Variants in PARD6G observed in about 807,000 individuals in gnomAD.
PARD6G encodes the protein par-6 family cell polarity regulator gamma.
Under a neutral mutation model 10.7 loss-of-function variants are expected in PARD6G, and 7 were observed. The observed-to-expected ratio is 0.66, with a 90% CI of 0.37 to 1.23. The LOEUF is 1.23. Ranked by LOEUF, PARD6G falls within the 50% of genes most tolerant of loss-of-function variation. The probability of loss-of-function intolerance (pLI) is 0.02; values close to 1 mark genes in which losing one functional copy is unlikely to be tolerated. For missense variants in PARD6G, 548 were observed against 571.8 expected (o/e 0.96, Z 0.42); for synonymous variants, 287 against 269.4 (o/e 1.07, Z -0.64).
chr18:80,176,649 G>C (rs953852296), intron 2 of PARD6G, among the ~76,000 whole-genome samples: 2 of 152,272 alleles, frequency 1.3e-5, no homozygotes, highest in African/African-American at 4.8e-5. Context: ...GACTGGAAGG[G>C]AAATATGGGA....
In PARD6G at chr18:80,182,062, C is replaced by T. The variant is rs181419005; in HGVS notation, c.295+20648G>A. ...GAAACTGAGGCAGAAAGCAGGGAAGCAACACAGCTGGGTAGGGCCCAGCAG... is the reference window on the plus strand; with the variant it reads ...GAAACTGAGGCAGAAAGCAGGGAAGTAACACAGCTGGGTAGGGCCCAGCAG... On this transcript the variant is annotated intron_variant, in intron 2 of 2. Coordinates refer to ENST00000353265, the MANE Select transcript of PARD6G (RefSeq NM_032510.4). This position sits in a 1 kb window ranked among gnomAD's most constrained non-coding sequence, Gnocchi z 4.5. 6.6e-6 allele frequency among the ~76,000 whole-genome samples: 1 copy of T among 152,210 alleles called. No individual in the cohort carries two copies. Among genetic ancestry groups the T allele is most frequent in the South Asian group, 2.1e-4 (1 of 4,834 alleles).
At chr18:80,225,067 A>C (rs1239633133) in intron 1 of PARD6G, among the ~76,000 whole-genome samples, 1 of 152,152 alleles carries the variant, frequency 6.6e-6, no homozygotes, top group Non-Finnish European at 1.5e-5. Context: ...CTAGTGACTA[A>C]AAAACTTTAG....
At chr18:80,222,185 A>G (rs995915409) in intron 1 of PARD6G, among the ~76,000 whole-genome samples, 1 of 151,716 alleles carries the variant, frequency 6.6e-6, no homozygotes, top group African/African-American at 2.4e-5. Flanking sequence ...CCTGGGCTCA[A>G]GTGATCTTCC....
chr18:80,238,684 G>T (rs1229868511), intron 1 of PARD6G, among the ~76,000 whole-genome samples: 2 of 152,076 alleles, frequency 1.3e-5, no homozygotes, highest in Non-Finnish European at 2.9e-5. Flanking sequence ...CTTAAGATGA[G>T]TGTATTTCAC....
At chr18:80,222,749 C>A (rs1324803997) in intron 1 of PARD6G, among the ~76,000 whole-genome samples, 1 of 152,200 alleles carries the variant, frequency 6.6e-6, no homozygotes, top group African/African-American at 2.4e-5. Context: ...TCTTGGCTCA[C>A]TAAAACGTCC....
Position 80,201,743 on chromosome 18 carries a change from TG to T in PARD6G, c.295+966del, listed in dbSNP as rs936237608. Among the ~76,000 whole-genome samples the T allele has an allele frequency of 3.3e-5, 5 of 152,218 alleles. No individual in the cohort carries two copies. The highest frequency in any genetic ancestry group is 1.2e-4 in the African/African-American group (5 of 41,448). On this transcript the variant is annotated intron_variant, in intron 2 of 2. Coordinates refer to ENST00000353265, the MANE Select transcript of PARD6G (RefSeq NM_032510.4). The surrounding 1 kb of genome is among the most constrained non-coding windows in gnomAD (Gnocchi z 5.9). ...CAGCATCACCCTCACAGAAACTGGA[TG>T]GGGGTTACTATGAGGACCCTCGTTT...
At chr18:80,227,772 A>G (rs899547683) in intron 1 of PARD6G, among the ~76,000 whole-genome samples, 1 of 152,098 alleles carries the variant, frequency 6.6e-6, no homozygotes, top group Non-Finnish European at 1.5e-5. Context: ...CCTTCCCTTC[A>G]GCAGAACAGA....
intron 2 of PARD6G, among the ~76,000 whole-genome samples, chr18:80,196,281 C>G (rs985996181): frequency 6.6e-6 from 1 of 152,114 alleles, no homozygotes; most frequent in South Asian, 2.1e-4. Context: ...CAACTAACCA[C>G]GTCTACAGTG....
At chr18:80,239,357 T>C (rs1269163747) in intron 1 of PARD6G, among the ~76,000 whole-genome samples, 1 of 152,076 alleles carries the variant, frequency 6.6e-6, no homozygotes, top group East Asian at 1.9e-4. Flanking sequence ...GGGCTGCTGG[T>C]CTACAACAGG....
intron 2 of PARD6G, among the ~76,000 whole-genome samples, chr18:80,173,829 C>A (rs938225156): frequency 6.6e-6 from 1 of 152,188 alleles, no homozygotes; most frequent in South Asian, 2.1e-4. Context: ...TGGAGCTGCT[C>A]CCCAGCAAGT....
At chr18:80,204,854 A>G (rs1248793062) in intron 1 of PARD6G, among the ~76,000 whole-genome samples, 1 of 152,172 alleles carries the variant, frequency 6.6e-6, no homozygotes, top group Non-Finnish European at 1.5e-5. Flanking sequence ...CAGGAGTCTG[A>G]GGCAGGAGAA....
chr18:80,172,777 T>C (rs1200252357), intron 2 of PARD6G, among the ~76,000 whole-genome samples: 2 of 152,232 alleles, frequency 1.3e-5, no homozygotes, highest in African/African-American at 2.4e-5. Context: ...TTTGTCCATT[T>C]TGTGAGGGGT....
Position 80,200,272 on chromosome 18 carries a change from G to C in PARD6G, c.295+2438C>G, listed in dbSNP as rs192974385. Among the ~76,000 whole-genome samples, 150 of 152,274 alleles carry C rather than the reference G, an allele frequency of 9.9e-4. No homozygotes were observed. Among genetic ancestry groups the C allele is most frequent in the African/African-American group, 2.8e-3 (115 of 41,542 alleles). On this transcript the variant is annotated intron_variant, in intron 2 of 2. Transcript: ENST00000353265. This position sits in a 1 kb window ranked among gnomAD's most constrained non-coding sequence, Gnocchi z 4.4. The stretch of plus-strand genomic sequence containing the variant: ...ATCAGCACAGATTACTATGCAGGGA[G>C]GGTGCCTGACTGTGCACCGGAAACA...
chr18:80,163,979 G>C (rs908407222), intron 2 of PARD6G, among the ~76,000 whole-genome samples: 2 of 152,186 alleles, frequency 1.3e-5, no homozygotes, highest in African/African-American at 2.4e-5. Context: ...TGTCATCCCA[G>C]ACTTGGAGCT....
chr18:80,159,258 GA>G lies in PARD6G; in HGVS notation c.*512del, dbSNP rs2052677425. The stretch of plus-strand genomic sequence containing the variant: ...CCACGTAGGCCTCCCAAAGTGCTGG[GA>G]TTACAGACGTGAGCCACTGCACCTG... On this transcript the variant is annotated 3_prime_UTR_variant, in exon 3 of 3. Transcript: ENST00000353265. 1 of 152,502 alleles carries G rather than the reference GA, an allele frequency of 6.6e-6. No individual in the cohort carries two copies. The highest frequency in any genetic ancestry group is 2.4e-5 in the African/African-American group (1 of 41,536). 9.4% of individuals were successfully genotyped at this position (152,502 alleles called of 1,614,324 possible).
In PARD6G at chr18:80,192,700, A is replaced by C. The variant is rs1456031436; in HGVS notation, c.295+10010T>G. ...CACCAAAGACAAGGAGGGAAGAATGATAAGAGTGAAAGAAAAGCACACCTG... is the reference window on the plus strand; with the variant it reads ...CACCAAAGACAAGGAGGGAAGAATGCTAAGAGTGAAAGAAAAGCACACCTG... On this transcript the variant is annotated intron_variant, in intron 2 of 2. Transcript: ENST00000353265. The surrounding 1 kb of genome is among the most constrained non-coding windows in gnomAD (Gnocchi z 4.9). Among the ~76,000 whole-genome samples, 1 of 152,178 alleles carries C rather than the reference A, an allele frequency of 6.6e-6. No individual in the cohort carries two copies. The highest frequency in any genetic ancestry group is 1.5e-5 in the Non-Finnish European group (1 of 68,018).
rs2052855926 is a variant in PARD6G at position 80,183,057 on chromosome 18, C to T, written c.295+19653G>A. ...GCTGCGTGGGCCATCCATTCTCTAC[C>T]ATGGCATGCCGACAACAGGGGCACA... On this transcript the variant is annotated intron_variant, in intron 2 of 2. Coordinates refer to ENST00000353265, the MANE Select transcript of PARD6G (RefSeq NM_032510.4). The surrounding 1 kb of genome is among the most constrained non-coding windows in gnomAD (Gnocchi z 4.5). 4 of 702,062 alleles carry T rather than the reference C, an allele frequency of 5.7e-6. No individual in the cohort carries two copies. The South Asian group carries it at 5.9e-5, about 10-fold the overall frequency. The allele number at this position is 702,062 out of a possible 1,614,324, so 43.5% of individuals were successfully genotyped here. A position where few individuals can be genotyped will look rare whatever the true frequency, so the allele number is the denominator to read the frequency against.
intron 2 of PARD6G, among the ~76,000 whole-genome samples, chr18:80,163,590 A>G (rs139719727): frequency 8.5e-5 from 13 of 152,280 alleles, no homozygotes; most frequent in Admixed American, 5.2e-4. Context: ...TCTGCGTCAC[A>G]AGGGCCAGGT....
intron 1 of PARD6G, among the ~76,000 whole-genome samples, chr18:80,233,759 T>G (rs888710998): frequency 6.6e-6 from 1 of 152,190 alleles, no homozygotes; most frequent in African/African-American, 2.4e-5. Context: ...TGAGGGCTTA[T>G]GCACAGGCGT....
Sources: gnomAD v4.1 joint callset for allele counts (sites outside exome capture counted in the v4.1 genomes callset) on GRCh38, gnomAD v4.1.1 for gene constraint, Gnocchi (gnomAD v3.1) non-coding constraint, MANE v1.5 for transcripts, NCBI Gene and HGNC (gene_info 2026-07-23, HGNC 2026-07-21) for gene names.